WDR72: variants seen among roughly 807,000 people sequenced by gnomAD.
WDR72 encodes WD repeat domain 72, also known as WD repeat-containing protein 72.
A neutral mutation model predicts 124.2 loss-of-function variants in WDR72; 120 were observed. The ratio of observed to expected loss-of-function variants is 0.97; its 90% CI spans 0.83 to 1.12. WDR72 has a LOEUF of 1.12. Among genes scored for constraint, WDR72 ranks in the 50% most tolerant of loss-of-function variants. The pLI, the probability that WDR72 is intolerant of heterozygous loss-of-function variation, is 0.00. For synonymous variants in WDR72, 452 were observed against 441.7 expected (o/e 1.02, Z -0.29); for missense variants, 1,387 against 1,278.8 (o/e 1.08, Z -1.29).
intron 1 of WDR72, among the ~76,000 whole-genome samples, chr15:53,754,144 C>G (rs1248791939): frequency 6.6e-6 from 1 of 152,120 alleles, no homozygotes; most frequent in Non-Finnish European, 1.5e-5. Flanking sequence ...CACTCTTAGA[C>G]TAAAGACTGT....
At chr15:53,517,958 TTAATA>T (rs1891554696) in intron 19 of WDR72, among the ~76,000 whole-genome samples, 2 of 152,072 alleles carry the variant, frequency 1.3e-5, no homozygotes, top group African/African-American at 4.8e-5. Flanking sequence ...ATAAGACAAG[TTAATA>T]TAATAAAAAT....
At chr15:53,549,438 T>C (rs1456050712) in intron 18 of WDR72, among the ~76,000 whole-genome samples, 1 of 152,178 alleles carries the variant, frequency 6.6e-6, no homozygotes, top group African/African-American at 2.4e-5. Flanking sequence ...ACATCTTGCA[T>C]CTTTTAATCC....
Position 53,615,430 on chromosome 15 carries a change from C to A in WDR72, c.2776G>T (p.Gly926Cys). 6.2e-7 allele frequency: 1 copy of A among 1,608,334 alleles called. No homozygotes were observed. The highest frequency in any genetic ancestry group is 8.5e-7 in the Non-Finnish European group (1 of 1,177,156). The change falls in exon 15 of 20, where the codon GGC (glycine) becomes TGC (cysteine). Residue 926 changes from glycine (G) to cysteine (C), a missense_variant. Coordinates refer to ENST00000360509, the MANE Select transcript of WDR72 (RefSeq NM_182758.4). ...NMPLELACRVGSSFRMESIHN... is the reference protein window; with the variant it reads ...NMPLELACRVCSSFRMESIHN... ...AAATCTCTAGGTATGTCTTACCTGC[C>A]AACTCTACATGCCAATTCTAAAGGC... is the stretch of plus-strand genomic sequence containing the variant.
chr15:53,628,407 A>C (rs931561456), intron 14 of WDR72, among the ~76,000 whole-genome samples: 1 of 151,892 alleles, frequency 6.6e-6, no homozygotes, highest in Admixed American at 6.6e-5. Context: ...GATGATATTA[A>C]AAAAAAGTTG....
chr15:53,591,698 A>G (rs2012511420), intron 18 of WDR72, among the ~76,000 whole-genome samples: 1 of 39,090 alleles, frequency 2.6e-5, no homozygotes, highest in South Asian at 5.5e-4. Flanking sequence ...ACACACACAC[A>G]CACACACACA....
chr15:53,605,344 C>G (rs1230251517), intron 17 of WDR72, among the ~76,000 whole-genome samples: 1 of 152,112 alleles, frequency 6.6e-6, no homozygotes, highest in Admixed American at 6.6e-5. Context: ...TACTGAAGAA[C>G]AGAAGGTGGG....
intron 1 of WDR72, among the ~76,000 whole-genome samples, chr15:53,735,706 T>TA (rs1190072535): frequency 3.3e-5 from 5 of 151,962 alleles, no homozygotes; most frequent in Non-Finnish European, 7.4e-5. Context: ...AATCTTACAA[T>TA]AAAAAATTAT....
chr15:53,750,008 A>T (rs1340180463), intron 1 of WDR72, among the ~76,000 whole-genome samples: 1 of 152,226 alleles, frequency 6.6e-6, no homozygotes, highest in Non-Finnish European at 1.5e-5. Flanking sequence ...GCAAGTGCTG[A>T]TGGAGAAGCT....
At chr15:53,584,448 A>G (rs959041583) in intron 18 of WDR72, among the ~76,000 whole-genome samples, 2 of 152,002 alleles carry the variant, frequency 1.3e-5, no homozygotes, top group Non-Finnish European at 2.9e-5. Context: ...CATGTAGGAC[A>G]TGGAGCACTA....
intron 14 of WDR72, among the ~76,000 whole-genome samples, chr15:53,659,588 G>A (rs1028772155): frequency 6.6e-6 from 1 of 151,920 alleles, no homozygotes; most frequent in Non-Finnish European, 1.5e-5. Context: ...TTGAAACGAA[G>A]CTGTGACATG....
At chr15:53,571,512 C>A (rs529763654) in intron 18 of WDR72, among the ~76,000 whole-genome samples, 30 of 152,202 alleles carry the variant, frequency 2.0e-4, no homozygotes, top group African/African-American at 6.7e-4. Context: ...AACATAATGT[C>A]TTCCAGGTTC....
intron 17 of WDR72, among the ~76,000 whole-genome samples, chr15:53,598,028 C>T (rs1004117378): frequency 2.0e-5 from 3 of 152,082 alleles, no homozygotes; most frequent in African/African-American, 7.2e-5. Flanking sequence ...TATCCTCTGC[C>T]CTCAGTGCAA....
At chr15:53,730,303 T>C (rs957328757) in intron 2 of WDR72, among the ~76,000 whole-genome samples, 1 of 152,188 alleles carries the variant, frequency 6.6e-6, no homozygotes, top group Non-Finnish European at 1.5e-5. Flanking sequence ...ACAGGAGATA[T>C]ATAGAATAGT....
chr15:53,682,293 G>A (rs2016418142), intron 13 of WDR72, among the ~76,000 whole-genome samples: 3 of 151,538 alleles, frequency 2.0e-5, no homozygotes, highest in Admixed American at 2.0e-4. Flanking sequence ...AACTAAAGAC[G>A]ACGACTGTGG....
chr15:53,618,551 T>C (rs1438620168), intron 14 of WDR72, among the ~76,000 whole-genome samples: 1 of 152,044 alleles, frequency 6.6e-6, no homozygotes, highest in African/African-American at 2.4e-5. Flanking sequence ...TCTCAAAAGG[T>C]AGTCTTGTGT....
chr15:53,685,734 A>G (rs548400579), intron 13 of WDR72, among the ~76,000 whole-genome samples: 20 of 151,282 alleles, frequency 1.3e-4, no homozygotes, highest in South Asian at 6.4e-4. Flanking sequence ...CTCCTCGAGA[A>G]GACCAACTCC....
intron 11 of WDR72, 98 bp downstream of exon 11, chr15:53,704,890 A>G: frequency 1.4e-6 from 2 of 1,402,224 alleles, no homozygotes; most frequent in Non-Finnish European, 9.7e-7. Flanking sequence ...AGCAAATGCC[A>G]GCAAATTATT....
intron 2 of WDR72, among the ~76,000 whole-genome samples, chr15:53,725,240 T>G (rs1000590299): frequency 6.6e-6 from 1 of 151,704 alleles, no homozygotes; most frequent in African/African-American, 2.4e-5. Context: ...AAGTGCAAAT[T>G]AAAAAACAAT....
chr15:53,518,580 A>ATT (rs57368989), intron 19 of WDR72, among the ~76,000 whole-genome samples: 29,405 of 151,598 alleles, frequency 0.19, 3,152 homozygotes, highest in East Asian at 0.34. Flanking sequence ...ATTCTTCTAG[A>ATT]TTTTTTTTAG....
Sources: allele counts gnomAD v4.1 joint callset (sites outside exome capture counted in the v4.1 genomes callset), GRCh38; gene constraint gnomAD v4.1.1; transcripts MANE v1.5; gene names NCBI Gene and HGNC (gene_info 2026-07-23, HGNC 2026-07-21).